Variants in GAS7 observed in about 807,000 individuals in gnomAD.
The protein encoded by GAS7 is growth arrest specific 7.
A neutral mutation model predicts 71.1 loss-of-function variants in GAS7; 28 were observed. The observed-to-expected ratio is 0.39, with a 90% CI of 0.29 to 0.54. The LOEUF is 0.54. Ranked by LOEUF, GAS7 falls within the 20% of genes least tolerant of loss-of-function variation. The pLI is 0.62. For synonymous variants in GAS7, 258 were observed against 245.8 expected (o/e 1.05, Z -0.46); for missense variants, 436 against 627.8 (o/e 0.69, Z 3.27).
chr17:10,129,791 A>T (rs1339682334), intron 1 of GAS7, among the ~76,000 whole-genome samples: 1 of 152,236 alleles, frequency 6.6e-6, no homozygotes, highest in East Asian at 1.9e-4. Context: ...GAATATATAA[A>T]GAACACTTAC....
intron 1 of GAS7, among the ~76,000 whole-genome samples, chr17:10,102,815 A>C (rs1487185709): frequency 6.6e-6 from 1 of 151,306 alleles, no homozygotes; most frequent in African/African-American, 2.4e-5. Flanking sequence ...CATTGACAAG[A>C]CCCATTTTAA....
intron 4 of GAS7, among the ~76,000 whole-genome samples, chr17:9,963,123 C>T (rs1165829171): frequency 6.6e-6 from 1 of 151,636 alleles, no homozygotes; most frequent in Non-Finnish European, 1.5e-5. Flanking sequence ...AACGTTCTAT[C>T]CATACGACAG....
intron 1 of GAS7, among the ~76,000 whole-genome samples, chr17:10,134,697 G>A (rs770078619): frequency 1.3e-5 from 2 of 152,152 alleles, no homozygotes; most frequent in South Asian, 4.1e-4. Context: ...CATGTGGTAG[G>A]ATGGAAGAAA....
chr17:10,046,790 AAGGAAGG>A (rs2072969447), intron 1 of GAS7, among the ~76,000 whole-genome samples: 1 of 36,260 alleles, frequency 2.8e-5, no homozygotes, highest in South Asian at 1.0e-3. Flanking sequence ...GAAAGAAAGG[AAGGAAGG>A]AAGGAAGGAA....
chr17:10,001,157 G>A (rs1273088854), intron 2 of GAS7, among the ~76,000 whole-genome samples: 8 of 152,060 alleles, frequency 5.3e-5, no homozygotes, highest in Admixed American at 4.6e-4. Flanking sequence ...TAGAAGATTC[G>A]AGCAGGAAAG....
chr17:10,120,482 G>A (rs796447824), intron 1 of GAS7, among the ~76,000 whole-genome samples: 24 of 152,250 alleles, frequency 1.6e-4, no homozygotes, highest in African/African-American at 5.5e-4. Flanking sequence ...AGGCCAAGGC[G>A]GGTGGATCAC....
At chr17:10,002,275 G>A (rs901365270) in intron 2 of GAS7, among the ~76,000 whole-genome samples, 10 of 152,216 alleles carry the variant, frequency 6.6e-5, no homozygotes, top group East Asian at 5.8e-4. Context: ...TCCTTGGCTC[G>A]TAGATGGCTT....
intron 2 of GAS7, among the ~76,000 whole-genome samples, chr17:10,005,036 T>G (rs1296318704): frequency 7.4e-6 from 1 of 134,974 alleles, no homozygotes; most frequent in Admixed American, 6.8e-5. Context: ...TCTCTATATA[T>G]ACATACATAT....
chr17:10,017,128 CTAAAAAAATAAA>C (rs563981316), intron 2 of GAS7, among the ~76,000 whole-genome samples: 4,249 of 133,624 alleles, frequency 0.032, 212 homozygotes, highest in African/African-American at 0.1. Flanking sequence ...GAGACCCTGT[CTAAAAAAATAAA>C]TAAATAAATA....
intron 12 of GAS7, 47 bp from the exon 13 acceptor site, chr17:9,918,146 C>A: frequency 7.3e-7 from 1 of 1,378,368 alleles, no homozygotes; most frequent in Non-Finnish European, 1.0e-6. Context: ...GTCCCCTCCA[C>A]TTGGGGGTCC....
chr17:9,917,392 G>A, intron 13 of GAS7, 51 bp from the exon 14 acceptor site: 1 of 1,270,890 alleles, frequency 7.9e-7, no homozygotes, highest in South Asian at 1.2e-5. Flanking sequence ...GGCCAAGCCA[G>A]GGAGGTCTCC....
At chr17:10,082,230 T>C (rs1357951828) in intron 1 of GAS7, among the ~76,000 whole-genome samples, 3 of 152,146 alleles carry the variant, frequency 2.0e-5, no homozygotes, top group Non-Finnish European at 4.4e-5. Flanking sequence ...AACATGCTCA[T>C]GGGAAACACA....
chr17:10,182,378 T>G (rs2074423202), intron 1 of GAS7, among the ~76,000 whole-genome samples: 1 of 152,132 alleles, frequency 6.6e-6, no homozygotes, highest in African/African-American at 2.4e-5. Context: ...CAGGCTGATC[T>G]TGAACTCCTG....
intron 1 of GAS7, among the ~76,000 whole-genome samples, chr17:10,140,898 A>G (rs1211762605): frequency 1.3e-5 from 2 of 152,236 alleles, no homozygotes; most frequent in Non-Finnish European, 2.9e-5. Flanking sequence ...AATGCTAAAG[A>G]TGCAGGGTCC....
Position 10,193,491 on chromosome 17 carries a change from T to C in GAS7, c.183+4717A>G, listed in dbSNP as rs115534003. Among the ~76,000 whole-genome samples, 951 of 152,086 alleles carry C rather than the reference T, an allele frequency of 6.3e-3. 8 individuals carry two copies. The highest frequency in any genetic ancestry group is 0.022 in the African/African-American group (909 of 41,494). On this transcript the variant is annotated intron_variant, in intron 1 of 13. Transcript: ENST00000432992. ...CCTCATAACCGCACCTGTACCCACC[T>C]CCCTTCCAAATTGACTCTGGACAGA... is the stretch of plus-strand genomic sequence containing the variant.
rs2068811975 is a variant in GAS7, at chr17:9,946,992, C to T, written c.526-9G>A. ...AACGTCACACAGTTTATCTGTAGGG[C>T]ACAGAACAAGAAAGAATGACCCCGC... is the stretch of plus-strand genomic sequence containing the variant. On this transcript the variant is annotated splice_polypyrimidine_tract_variant and intron_variant, in intron 5 of 13. Coordinates refer to ENST00000432992, the MANE Select transcript of GAS7 (RefSeq NM_201433.2). 6.3e-7 allele frequency: 1 copy of T among 1,599,908 alleles called. No individual in the cohort carries two copies. Among genetic ancestry groups the T allele is most frequent in the South Asian group, 1.1e-5 (1 of 90,736 alleles).
In GAS7 at chr17:9,969,889, A is replaced by G. The variant is rs979742939; in HGVS notation, c.386-127T>C. 3 of 651,806 alleles carry G rather than the reference A, an allele frequency of 4.6e-6. No homozygotes were observed. In the African/African-American group the frequency reaches 5.4e-5, roughly 12 times the overall value. 40.4% of individuals were successfully genotyped at this position (651,806 alleles called of 1,614,324 possible). ...TGAGAGGTCTTGCGTGGCGAAGACC[A>G]TCCCTCAGGATCTGATCTTATCTGT... On this transcript the variant is annotated intron_variant, in intron 3 of 13. Transcript: ENST00000432992. This position sits in a 1 kb window ranked among gnomAD's most constrained non-coding sequence, Gnocchi z 5.5.
At chr17:10,052,100 C>T (rs1180733789) in intron 1 of GAS7, among the ~76,000 whole-genome samples, 1 of 152,102 alleles carries the variant, frequency 6.6e-6, no homozygotes, top group Non-Finnish European at 1.5e-5. Flanking sequence ...TCTCACCCCA[C>T]ACTGTCCCCC....
At chr17:9,979,568 G>A (rs922841656) in intron 3 of GAS7, among the ~76,000 whole-genome samples, 32 of 152,324 alleles carry the variant, frequency 2.1e-4, no homozygotes, top group African/African-American at 7.5e-4. Context: ...ATCAACAGCA[G>A]AGAGGACAAG....
Sources: gnomAD v4.1 joint callset for allele counts (sites outside exome capture counted in the v4.1 genomes callset) on GRCh38, gnomAD v4.1.1 for gene constraint, Gnocchi (gnomAD v3.1) non-coding constraint, MANE v1.5 for transcripts, NCBI Gene and HGNC (gene_info 2026-07-23, HGNC 2026-07-21) for gene names.